SPI1: variants seen among roughly 807,000 people sequenced by gnomAD.
SPI1 encodes transcription factor PU.1.
A neutral mutation model predicts 30.7 loss-of-function variants in SPI1; 3 were observed. The ratio of observed to expected loss-of-function variants is 0.10; its 90% CI spans 0.04 to 0.25. The LOEUF (loss-of-function observed/expected upper bound fraction) is 0.25, where lower values mean the gene tolerates loss of function less well. SPI1 is among the 10% of genes least tolerant of loss of function. SPI1 has a pLI of 1.00. For synonymous variants in SPI1, 169 were observed against 157.1 expected (o/e 1.08, Z -0.56); for missense variants, 261 against 371.5 (o/e 0.70, Z 2.45).
At chr11:47,362,045 C>T (rs1595858611) in intron 2 of SPI1, among the ~76,000 whole-genome samples, 1 of 152,152 alleles carries the variant, frequency 6.6e-6, no homozygotes, top group East Asian at 1.9e-4. Flanking sequence ...CAAGTTCTGG[C>T]TCTGCCATTT....
chr11:47,370,035 G>A (rs1236035431), intron 2 of SPI1, among the ~76,000 whole-genome samples: 1 of 152,220 alleles, frequency 6.6e-6, no homozygotes, highest in Non-Finnish European at 1.5e-5. Context: ...TAGCAATGGA[G>A]GAGATGGGGG....
At chr11:47,358,287 C>T in intron 4 of SPI1, 1 of 487,834 alleles carries the variant, frequency 2.0e-6, no homozygotes, top group African/African-American at 1.9e-5. Context: ...CCCCCACTCA[C>T]ACATATCACT....
At position 47,358,855 on chromosome 11, in the gene SPI1, G is replaced by A; in HGVS notation, c.482C>T (p.Pro161Leu). The change falls in exon 4 of 5, where the codon CCT (proline) becomes CTT (leucine). Residue 161 changes from proline (P) to leucine (L), a missense_variant. By Grantham distance (98) the Pro-to-Leu change is moderately conservative (BLOSUM62 -3). This residue lies in a region of SPI1 where 106 missense variants were observed against 102.0 expected (regional missense o/e 1.04). Transcript: ENST00000378538. ...GCCAGGTGCCCCACCTGTCTCCCCA[G>A]GCAGGAGCCCAGGCCCGGGCTCCAG... Reference protein sequence around the residue: ...DGLEPGPGLLPGETGSKKKIR... With the variant: ...DGLEPGPGLLLGETGSKKKIR... 1 of 1,549,450 alleles carries A rather than the reference G, an allele frequency of 6.5e-7. No individual in the cohort carries two copies. Among genetic ancestry groups the A allele is most frequent in the South Asian group, 1.2e-5 (1 of 84,128 alleles).
rs1244392644 is a variant in SPI1 at position 47,359,360 on chromosome 11, C to T, written c.331-354G>A. On this transcript the variant is annotated intron_variant, in intron 3 of 4. Coordinates refer to ENST00000378538, the MANE Select transcript of SPI1 (RefSeq NM_003120.3). The surrounding 1 kb of genome is among the most constrained non-coding windows in gnomAD (Gnocchi z 5.1). ...GAAGAGGGCATGCTAGGGACCGGTGCGTTGGGTCTGGAAGGGGGTTTCATA... is the reference window on the plus strand; with the variant it reads ...GAAGAGGGCATGCTAGGGACCGGTGTGTTGGGTCTGGAAGGGGGTTTCATA... Among the ~76,000 whole-genome samples the T allele has an allele frequency of 2.0e-5, 3 of 151,986 alleles. No individual in the cohort carries two copies. Among genetic ancestry groups the T allele is most frequent in the African/African-American group, 4.8e-5 (2 of 41,338 alleles).
intron 2 of SPI1, among the ~76,000 whole-genome samples, chr11:47,372,688 T>A (rs2095937430): frequency 6.6e-6 from 1 of 152,064 alleles, no homozygotes; most frequent in African/African-American, 2.4e-5. Context: ...CCCTCTGTGC[T>A]TTTCCCACTC....
Position 47,368,566 on chromosome 11 carries a change from A to G in SPI1, c.142+7067T>C, listed in dbSNP as rs188137824. Among the ~76,000 whole-genome samples the G allele has an allele frequency of 2.5e-3, 384 of 152,380 alleles. 3 individuals are homozygous for G. Among genetic ancestry groups the G allele is most frequent in the Non-Finnish European group, 4.1e-3 (281 of 68,044 alleles). On this transcript the variant is annotated intron_variant, in intron 2 of 4. Coordinates refer to ENST00000378538, the MANE Select transcript of SPI1 (RefSeq NM_003120.3). ...GCGCAAAACGTGGCGCGCGCATACA[A>G]TGGAATATGATTCAACCTTAAAGAT... is the stretch of plus-strand genomic sequence containing the variant.
chr11:47,356,191 A>G (rs1261484737), intron 4 of SPI1, among the ~76,000 whole-genome samples: 1 of 149,596 alleles, frequency 6.7e-6, no homozygotes, highest in East Asian at 2.0e-4. Context: ...CACCCACACA[A>G]TGCACCAGCT....
rs769051484 is a variant in SPI1 at position 47,359,971 on chromosome 11, G to A, written c.212C>T (p.Thr71Met). ...EFESFAENNF[T>M]ELQSVQPPQL... The stretch of plus-strand genomic sequence containing the variant: ...CGGGGGCTGCACGCTCTGGAGCTCC[G>A]TGAAGTTGTTCTCGGCGAAGCTCTC... Residue 71 changes from threonine (T) to methionine (M), a missense_variant, in exon 3 of 5, where the codon ACG becomes ATG. Thr to Met is a moderately conservative substitution (Grantham distance 81). This residue lies in a region of SPI1 where 10 missense variants were observed against 31.6 expected (regional missense o/e 0.32). Coordinates refer to ENST00000378538, the MANE Select transcript of SPI1 (RefSeq NM_003120.3). The surrounding 1 kb of genome is among the most constrained non-coding windows in gnomAD (Gnocchi z 5.1). The A allele has an allele frequency of 3.1e-6, 5 of 1,609,814 alleles. No individual in the cohort carries two copies. Among genetic ancestry groups the A allele is most frequent in the East Asian group, 2.2e-5 (1 of 44,810 alleles).
chr11:47,355,553 G>T lies in SPI1; in HGVS notation c.494-7C>A, dbSNP rs200099249. The T allele has an allele frequency of 2.6e-5, 41 of 1,564,136 alleles. No homozygotes were observed. Among genetic ancestry groups the T allele is most frequent in the South Asian group, 4.7e-5 (4 of 85,812 alleles). Reference sequence around the variant, plus strand: ...CGGATCTTCTTCTTGCTGCCTGCGGGGGGGAGGGCCCGGTGGGAGGGGGCC... The same window carrying T: ...CGGATCTTCTTCTTGCTGCCTGCGGTGGGGAGGGCCCGGTGGGAGGGGGCC... On this transcript the variant is annotated splice_region_variant and splice_polypyrimidine_tract_variant and intron_variant, in intron 4 of 4. Transcript: ENST00000378538.
intron 2 of SPI1, among the ~76,000 whole-genome samples, chr11:47,369,787 G>T (rs1340274704): frequency 6.6e-6 from 1 of 152,104 alleles, no homozygotes; most frequent in Non-Finnish European, 1.5e-5. Flanking sequence ...AAGACATGAG[G>T]CAAAACACAA....
Position 47,358,920 on chromosome 11 carries a change from C to G in SPI1, c.417G>C (p.Gln139His). ...CGTCAGACACCTCCAGTGGGGGGCT[C>G]TGCCGCTCGCCCTCCTCCTCATCTG... ...PSSDEEEGER[Q>H]SPPLEVSDGE... Residue 139 changes from glutamine (Q) to histidine (H), a missense_variant, in exon 4 of 5, where the codon CAG becomes CAC. Coordinates refer to ENST00000378538, the MANE Select transcript of SPI1 (RefSeq NM_003120.3). The G allele has an allele frequency of 6.4e-7, 1 of 1,562,718 alleles. No homozygotes were observed. The highest frequency in any genetic ancestry group is 8.7e-7 in the Non-Finnish European group (1 of 1,154,694).
In SPI1 at chr11:47,375,578, C is replaced by A. The variant is rs1156263089; in HGVS notation, c.142+55G>T. The A allele has an allele frequency of 2.2e-6, 3 of 1,346,984 alleles. No homozygotes were observed. The highest frequency in any genetic ancestry group is 1.1e-6 in the Non-Finnish European group (1 of 937,050). The allele number at this position is 1,346,984 out of a possible 1,614,324, so 83.4% of individuals were successfully genotyped here. A position where few individuals can be genotyped will look rare whatever the true frequency, so the allele number is the denominator to read the frequency against. On this transcript the variant is annotated intron_variant, in intron 2 of 4. Coordinates refer to ENST00000378538, the MANE Select transcript of SPI1 (RefSeq NM_003120.3). This position sits in a 1 kb window ranked among gnomAD's most constrained non-coding sequence, Gnocchi z 4.2. The stretch of plus-strand genomic sequence containing the variant: ...CATTTATTCTTTTTCTCTCTCCAGA[C>A]CCCAGGAGCCCAGGCTGGGCTGGGG...
intron 4 of SPI1, among the ~76,000 whole-genome samples, chr11:47,356,503 CAT>C (rs1446837487): frequency 3.8e-5 from 4 of 106,232 alleles, no homozygotes; most frequent in Non-Finnish European, 7.8e-5. Flanking sequence ...TTCTCACACT[CAT>C]ATGCCCACTC....
intron 2 of SPI1, among the ~76,000 whole-genome samples, chr11:47,367,532 C>T (rs141329309): frequency 0.013 from 1,590 of 125,094 alleles, 33 homozygotes; most frequent in African/African-American, 0.045. Flanking sequence ...CCAGTCTGGG[C>T]GACAGAGTGA....
At chr11:47,372,692 C>G (rs2095937440) in intron 2 of SPI1, among the ~76,000 whole-genome samples, 1 of 152,082 alleles carries the variant, frequency 6.6e-6, no homozygotes, top group Non-Finnish European at 1.5e-5. Context: ...CTGTGCTTTT[C>G]CCACTCCCCA....
intron 2 of SPI1, among the ~76,000 whole-genome samples, chr11:47,368,088 G>A (rs910160321): frequency 6.6e-6 from 1 of 152,108 alleles, no homozygotes; most frequent in African/African-American, 2.4e-5. Context: ...AAAATAGGCC[G>A]GGCGCAGTGG....
intron 1 of SPI1, among the ~76,000 whole-genome samples, chr11:47,376,065 A>G (rs537491197): frequency 2.1e-4 from 32 of 151,982 alleles, no homozygotes; most frequent in African/African-American, 7.5e-4. Flanking sequence ...ACACTGATGC[A>G]CATGTCCACA....
chr11:47,357,124 C>T (rs1470638486), intron 4 of SPI1, among the ~76,000 whole-genome samples: 1 of 151,202 alleles, frequency 6.6e-6, no homozygotes, highest in Non-Finnish European at 1.5e-5. Flanking sequence ...CTCACATGCT[C>T]ACACCTCACA....
intron 4 of SPI1, chr11:47,358,119 TCACA>T (rs762715665): frequency 5.1e-6 from 1 of 196,344 alleles, no homozygotes; most frequent in African/African-American, 2.3e-5. Context: ...ACCTTCCTGC[TCACA>T]CACACCTGCT....
Sources: allele counts gnomAD v4.1 joint callset (sites outside exome capture counted in the v4.1 genomes callset), GRCh38; gene constraint gnomAD v4.1.1; regional missense constraint gnomAD v4.1.1; non-coding constraint Gnocchi (gnomAD v3.1); transcripts MANE v1.5; gene names NCBI Gene and HGNC (gene_info 2026-07-23, HGNC 2026-07-21).